The following DISP1 variants were observed in gnomAD, a reference collection of about 807,000 sequenced individuals.
DISP1 encodes the protein dispatched RND transporter family member 1.
In DISP1, 30 loss-of-function variants were observed where a neutral mutation model predicts 37.3. The observed-to-expected ratio is 0.80, with a 90% CI of 0.60 to 1.09. The LOEUF is 1.09. Ranked by LOEUF, DISP1 falls within the 50% of genes least tolerant of loss-of-function variation. The pLI is 0.00. For synonymous variants in DISP1, 634 were observed against 690.2 expected (o/e 0.92, Z 1.28); for missense variants, 1,598 against 1,879.5 (o/e 0.85, Z 2.77).
At chr1:222,931,541 A>T (rs149675358) in intron 2 of DISP1, among the ~76,000 whole-genome samples, 141 of 152,068 alleles carry the variant, frequency 9.3e-4, no homozygotes, top group African/African-American at 3.3e-3. Context: ...CACACCTATC[A>T]CATCTTAAGG....
intron 4 of DISP1, among the ~76,000 whole-genome samples, chr1:222,986,133 C>G (rs903182233): frequency 6.6e-6 from 1 of 151,906 alleles, no homozygotes; most frequent in African/African-American, 2.4e-5. Context: ...TTGGGCAGTT[C>G]AGAAAAGTCA....
intron 3 of DISP1, among the ~76,000 whole-genome samples, chr1:222,967,051 C>G (rs748552348): frequency 3.3e-5 from 5 of 152,070 alleles, no homozygotes; most frequent in Non-Finnish European, 7.4e-5. Context: ...TTAATAAACC[C>G]AATTCCACTC....
intron 1 of DISP1, among the ~76,000 whole-genome samples, chr1:222,881,566 T>C (rs1670282119): frequency 6.6e-6 from 1 of 152,308 alleles, no homozygotes; most frequent in Middle Eastern, 3.4e-3. Flanking sequence ...AATAACAAGA[T>C]GTTCAGATGG....
chr1:222,863,760 T>C (rs1029421011), intron 1 of DISP1, among the ~76,000 whole-genome samples: 2 of 151,738 alleles, frequency 1.3e-5, no homozygotes, highest in African/African-American at 4.9e-5. Context: ...ATTGCTGTCA[T>C]TAATTATTTT....
chr1:222,913,439 CAT>C (rs1414278195), intron 1 of DISP1, among the ~76,000 whole-genome samples: 5 of 152,230 alleles, frequency 3.3e-5, no homozygotes, highest in African/African-American at 1.2e-4. Context: ...GAAGTTGAAT[CAT>C]AAAATATCTA....
chr1:222,901,993 G>A lies in DISP1; in HGVS notation c.-158-26437G>A, dbSNP rs551847963. On this transcript the variant is annotated intron_variant, in intron 1 of 8. Coordinates refer to ENST00000675850, the MANE Select transcript of DISP1 (RefSeq NM_001377229.1). ...TGGTAGTTTGTATTTCTGTGGGATC[G>A]GTGGTGATATCCCCTTTATCATTTT... Among the ~76,000 whole-genome samples the A allele has an allele frequency of 1.7e-3, 253 of 152,144 alleles. 2 individuals are homozygous for A. The highest frequency in any genetic ancestry group is 5.8e-3 in the African/African-American group (240 of 41,510).
chr1:222,953,211 G>A (rs1486792086), intron 3 of DISP1, among the ~76,000 whole-genome samples: 1 of 152,138 alleles, frequency 6.6e-6, no homozygotes, highest in Non-Finnish European at 1.5e-5. Flanking sequence ...TAAAATGGGA[G>A]TAACAGTAGC....
chr1:222,904,144 T>C (rs947524336), intron 1 of DISP1, among the ~76,000 whole-genome samples: 2 of 152,238 alleles, frequency 1.3e-5, no homozygotes, highest in African/African-American at 4.8e-5. Flanking sequence ...AATATTCTCA[T>C]GTCCATTATG....
In DISP1 at chr1:223,004,098, A is replaced by G; in HGVS notation, c.2701A>G (p.Thr901Ala). ...KRAIMELERSTGYHLDSKTPG... is the reference protein window; with the variant it reads ...KRAIMELERSAGYHLDSKTPG... ...AGCTATCATGGAGCTGGAAAGGAGT[A>G]CAGGGTACCATTTGGATAGCAAAAC... Residue 901 changes from threonine (T) to alanine (A), a missense_variant, in exon 9 of 9, where the codon ACA becomes GCA. By Grantham distance (58) the Thr-to-Ala change is moderately conservative (BLOSUM62 0). Coordinates refer to ENST00000675850, the MANE Select transcript of DISP1 (RefSeq NM_001377229.1). The surrounding 1 kb of genome is among the most constrained non-coding windows in gnomAD (Gnocchi z 4.9). The G allele has an allele frequency of 6.2e-7, 1 of 1,614,234 alleles. No individual in the cohort carries two copies. The highest frequency in any genetic ancestry group is 8.5e-7 in the Non-Finnish European group (1 of 1,180,036).
intron 1 of DISP1, chr1:222,836,874 G>A (rs1391148394): frequency 2.6e-6 from 1 of 383,214 alleles, no homozygotes; most frequent in African/African-American, 2.1e-5. Context: ...TGCTGGCTAT[G>A]TGGCCTTAGG....
At chr1:222,883,617 A>C (rs1044412766) in intron 1 of DISP1, among the ~76,000 whole-genome samples, 2 of 150,202 alleles carry the variant, frequency 1.3e-5, no homozygotes, top group African/African-American at 4.9e-5. Context: ...CTCTGTCTCA[A>C]AATAAATAAA....
chr1:222,849,835 A>T (rs2125306605), intron 1 of DISP1, among the ~76,000 whole-genome samples: 1 of 152,318 alleles, frequency 6.6e-6, no homozygotes, highest in Non-Finnish European at 1.5e-5. Flanking sequence ...AGATTCTGGT[A>T]CAATATCTAT....
At chr1:222,988,286 G>C (rs1678420431) in intron 4 of DISP1, among the ~76,000 whole-genome samples, 1 of 152,194 alleles carries the variant, frequency 6.6e-6, no homozygotes, top group Non-Finnish European at 1.5e-5. Flanking sequence ...TTGGGAAACA[G>C]ACATTTGTGG....
chr1:222,926,302 G>C (rs1673081557), intron 1 of DISP1, among the ~76,000 whole-genome samples: 1 of 152,136 alleles, frequency 6.6e-6, no homozygotes, highest in African/African-American at 2.4e-5. Context: ...ATGTACATAT[G>C]TTGTTTATCC....
At chr1:222,957,858 A>G (rs1266008074) in intron 3 of DISP1, among the ~76,000 whole-genome samples, 1 of 152,212 alleles carries the variant, frequency 6.6e-6, no homozygotes, top group Non-Finnish European at 1.5e-5. Context: ...GTAAGAGAAA[A>G]GTTTCTTTCT....
At position 222,893,888 on chromosome 1, in the gene DISP1, G is replaced by T. The variant is rs1018118046; in HGVS notation, c.-158-34542G>T. Among the ~76,000 whole-genome samples, 1 of 152,162 alleles carries T rather than the reference G, an allele frequency of 6.6e-6. No homozygotes were observed. Among genetic ancestry groups the T allele is most frequent in the African/African-American group, 2.4e-5 (1 of 41,438 alleles). ...TCCTAAGTTCTTGTCCCGTGTCCAG[G>T]AATAATGAGGTACATGGACAACTGG... On this transcript the variant is annotated intron_variant, in intron 1 of 8. Transcript: ENST00000675850. The surrounding 1 kb of genome is among the most constrained non-coding windows in gnomAD (Gnocchi z 4.3).
At chr1:222,984,433 TATAGAG>T (rs1364722916) in intron 4 of DISP1, among the ~76,000 whole-genome samples, 5 of 99,526 alleles carry the variant, frequency 5.0e-5, no homozygotes, top group African/African-American at 1.7e-4. Context: ...TATATATATA[TATAGAG>T]AGAGAGAGAG....
intron 1 of DISP1, chr1:222,899,787 A>C (rs1466607919): frequency 6.6e-6 from 1 of 151,592 alleles, no homozygotes; most frequent in Non-Finnish European, 1.5e-5. Flanking sequence ...ACAGGGTCTC[A>C]CTCTTGCCCG....
chr1:222,870,599 T>C (rs1018180343), intron 1 of DISP1, among the ~76,000 whole-genome samples: 7 of 152,214 alleles, frequency 4.6e-5, no homozygotes, highest in African/African-American at 1.7e-4. Context: ...TTTTGAGAAG[T>C]GTCTGTTCAT....
Sources: gnomAD v4.1 joint callset for allele counts (sites outside exome capture counted in the v4.1 genomes callset) on GRCh38, gnomAD v4.1.1 for gene constraint, Gnocchi (gnomAD v3.1) non-coding constraint, MANE v1.5 for transcripts, NCBI Gene and HGNC (gene_info 2026-07-23, HGNC 2026-07-21) for gene names.